ADCY8: variants seen among roughly 807,000 people sequenced by gnomAD.
The protein encoded by ADCY8 is adenylate cyclase 8.
In ADCY8, 51 loss-of-function variants were observed where a neutral mutation model predicts 119.7. The observed-to-expected ratio is 0.43, with a 90% CI of 0.34 to 0.54. The LOEUF (loss-of-function observed/expected upper bound fraction) is 0.54. Among genes scored for constraint, ADCY8 ranks in the 20% least tolerant of loss-of-function variants. The probability of loss-of-function intolerance (pLI) is 0.03; values close to 1 mark genes in which losing one functional copy is unlikely to be tolerated. For missense variants in ADCY8, 1,383 were observed against 1,598.8 expected (o/e 0.87, Z 2.30); for synonymous variants, 665 against 651.0 (o/e 1.02, Z -0.33).
Position 130,800,734 on chromosome 8 carries a change from T to G in ADCY8, c.2914-162A>C, listed in dbSNP as rs1723134525. On this transcript the variant is annotated intron_variant, in intron 14 of 17. Transcript: ENST00000286355. Reference sequence around the variant, plus strand: ...TATGTCAACAGTGTGTTTTAGTCCATGTGGGCTGCTATAACAAAATACCTT... The same window carrying G: ...TATGTCAACAGTGTGTTTTAGTCCAGGTGGGCTGCTATAACAAAATACCTT... 2.0e-5 allele frequency among the ~76,000 whole-genome samples: 3 copies of G among 152,288 alleles called. No individual in the cohort carries two copies. The South Asian group carries it at 6.2e-4, about 32-fold the overall frequency.
At chr8:130,811,124 G>C (rs1816151881) in intron 14 of ADCY8, among the ~76,000 whole-genome samples, 1 of 152,166 alleles carries the variant, frequency 6.6e-6, no homozygotes, top group Admixed American at 6.5e-5. Flanking sequence ...CCTGAGCCCA[G>C]TTTCAGGGAA....
At chr8:130,800,103 G>C (rs1219032169) in intron 15 of ADCY8, among the ~76,000 whole-genome samples, 1 of 152,138 alleles carries the variant, frequency 6.6e-6, no homozygotes, top group Non-Finnish European at 1.5e-5. Context: ...AGCCTCTGTG[G>C]TGTCAGTGCT....
At chr8:130,937,317 C>A in intron 4 of ADCY8, 117 bp from the exon 5 acceptor site, 1 of 1,065,890 alleles carries the variant, frequency 9.4e-7, no homozygotes, top group South Asian at 2.3e-5. Context: ...GTAAGGAGAA[C>A]CTACCTTTGA....
In ADCY8 at chr8:131,039,512, C is replaced by T. The variant is rs1412949198; in HGVS notation, c.822G>A (p.Val274=). ...YGLLGDGIGY[V]LFTLFATYSM... is the part of the protein sequence containing the mutation. ...TGTAGGTGGCGAAGAGCGTGAAGAGCACGTAGCCTATGCCGTCGCCCAGGA... is the reference window on the plus strand; with the variant it reads ...TGTAGGTGGCGAAGAGCGTGAAGAGTACGTAGCCTATGCCGTCGCCCAGGA... Residue 274 remains valine, a synonymous_variant, in exon 1 of 18, where the codon GTG becomes GTA. Coordinates refer to ENST00000286355, the MANE Select transcript of ADCY8 (RefSeq NM_001115.3). 1 of 1,613,958 alleles carries T rather than the reference C, an allele frequency of 6.2e-7. No homozygotes were observed.
chr8:130,978,581 G>A (rs184153044), intron 2 of ADCY8, among the ~76,000 whole-genome samples: 10 of 152,188 alleles, frequency 6.6e-5, no homozygotes, highest in Admixed American at 2.0e-4. Context: ...TATTATAGGG[G>A]GAAAATCACA....
At chr8:130,794,576 T>G (rs1322705611) in intron 15 of ADCY8, among the ~76,000 whole-genome samples, 1 of 152,214 alleles carries the variant, frequency 6.6e-6, no homozygotes, top group Non-Finnish European at 1.5e-5. Flanking sequence ...GTGTGGTACT[T>G]TGTTACAGCC....
At chr8:130,808,430 AC>A (rs1482738413) in intron 14 of ADCY8, among the ~76,000 whole-genome samples, 2 of 152,340 alleles carry the variant, frequency 1.3e-5, no homozygotes, top group East Asian at 3.9e-4. Context: ...TATGTCAAGC[AC>A]CATGTAAGTG....
chr8:130,838,310 T>C (rs1156254662), intron 11 of ADCY8, among the ~76,000 whole-genome samples: 1 of 152,240 alleles, frequency 6.6e-6, no homozygotes, highest in Admixed American at 6.5e-5. Context: ...CTCCTTTACT[T>C]CTGTCTTTTC....
chr8:130,901,242 C>CTTTTTTTTTTTTTTTTTTTT (rs34424673), intron 7 of ADCY8, among the ~76,000 whole-genome samples: 1 of 115,582 alleles, frequency 8.7e-6, no homozygotes. Flanking sequence ...CATCCCTCCT[C>CTTTTTTTTTTTTTTTTTTTT]TTTTTTTTTT....
chr8:131,013,574 C>G (rs748630328), intron 1 of ADCY8, among the ~76,000 whole-genome samples: 10 of 152,128 alleles, frequency 6.6e-5, no homozygotes, highest in Non-Finnish European at 1.5e-4. Flanking sequence ...GCCAACTTCC[C>G]CCACCATCTC....
At chr8:130,877,589 C>T (rs937350714) in intron 8 of ADCY8, among the ~76,000 whole-genome samples, 3 of 152,246 alleles carry the variant, frequency 2.0e-5, no homozygotes, top group Admixed American at 6.5e-5. Flanking sequence ...GAAACCCATG[C>T]GTGAAATATC....
At chr8:130,835,477 C>T (rs779083177) in intron 12 of ADCY8, among the ~76,000 whole-genome samples, 9 of 152,178 alleles carry the variant, frequency 5.9e-5, no homozygotes, top group Non-Finnish European at 8.8e-5. Context: ...AGCTTGCATT[C>T]GCCTCTCATC....
At chr8:130,817,444 G>A (rs1381844224) in intron 13 of ADCY8, among the ~76,000 whole-genome samples, 1 of 152,118 alleles carries the variant, frequency 6.6e-6, no homozygotes, top group Non-Finnish European at 1.5e-5. Flanking sequence ...CTTTTCAGAG[G>A]TGCCCAAATT....
chr8:130,811,362 A>C (rs1390249656), intron 14 of ADCY8, among the ~76,000 whole-genome samples: 1 of 152,202 alleles, frequency 6.6e-6, no homozygotes, highest in African/African-American at 2.4e-5. Flanking sequence ...TAGGGGCGCT[A>C]CAGGTAACAT....
Position 130,972,163 on chromosome 8 carries a change from G to T in ADCY8, c.1110+18230C>A, listed in dbSNP as rs187731217. ...TCAATAATAAAGCAAAAGCCCAAGA[G>T]AGAATAGCAATCATTTTGACAAAAC... On this transcript the variant is annotated intron_variant, in intron 2 of 17. Transcript: ENST00000286355. Among the ~76,000 whole-genome samples the T allele has an allele frequency of 1.7e-4, 26 of 152,292 alleles. 1 individual carries two copies. In the East Asian group the frequency reaches 4.8e-3, roughly 28 times the overall value.
At chr8:130,860,908 G>C (rs72712490) in intron 9 of ADCY8, among the ~76,000 whole-genome samples, 1 of 151,934 alleles carries the variant, frequency 6.6e-6, no homozygotes. Flanking sequence ...TTCTGTTCCC[G>C]TATTAGTTTG....
At chr8:130,790,184 T>C (rs904109793) in intron 15 of ADCY8, among the ~76,000 whole-genome samples, 3 of 152,202 alleles carry the variant, frequency 2.0e-5, no homozygotes, top group Non-Finnish European at 4.4e-5. Context: ...TCTTCCAGAT[T>C]TGAACTTAAA....
chr8:131,008,971 T>C (rs1326619270), intron 1 of ADCY8, among the ~76,000 whole-genome samples: 1 of 152,092 alleles, frequency 6.6e-6, no homozygotes, highest in South Asian at 2.1e-4. Flanking sequence ...TGATTTAGGG[T>C]AACTAGTGGA....
chr8:131,010,717 T>C (rs950055242), intron 1 of ADCY8, among the ~76,000 whole-genome samples: 17 of 152,180 alleles, frequency 1.1e-4, no homozygotes, highest in African/African-American at 3.6e-4. Context: ...TGGCCGCCAA[T>C]AGCGTGCTCA....
Sources: allele counts gnomAD v4.1 joint callset (sites outside exome capture counted in the v4.1 genomes callset), GRCh38; gene constraint gnomAD v4.1.1; transcripts MANE v1.5; gene names NCBI Gene and HGNC (gene_info 2026-07-23, HGNC 2026-07-21).